The following PPP1R13L variants were observed in gnomAD, a reference collection of about 807,000 sequenced individuals.
PPP1R13L encodes the protein relA-associated inhibitor.
In PPP1R13L, 50 loss-of-function variants were observed where a neutral mutation model predicts 80.9. That is an observed-to-expected ratio of 0.62 (90% CI 0.49 to 0.78). The LOEUF is 0.78. Ranked by LOEUF, PPP1R13L falls within the 30% of genes least tolerant of loss-of-function variation. The pLI, the probability that PPP1R13L is intolerant of heterozygous loss-of-function variation, is 0.00. For synonymous variants in PPP1R13L, 602 were observed against 534.3 expected (o/e 1.13, Z -1.75); for missense variants, 1,200 against 1,205.9 (o/e 1.00, Z 0.07).
In PPP1R13L at chr19:45,396,246, G is replaced by T. The variant is rs760786711; in HGVS notation, c.825C>A (p.Phe275Leu). The part of the protein sequence containing the change: ...QTASYERLDV[F>L]ARPASPSLQL... ...GCAGGCTCGGCGAGGCAGGCCTTGC[G>T]AAGACGTCCAGGCCTGCGGGGCGGG... The change falls in exon 6 of 13, where the codon TTC (phenylalanine) becomes TTA (leucine). Residue 275 changes from phenylalanine (F) to leucine (L), a missense_variant. Phe to Leu is a conservative substitution (Grantham distance 22). Coordinates refer to ENST00000360957, the MANE Select transcript of PPP1R13L (RefSeq NM_006663.4). The surrounding 1 kb of genome is among the most constrained non-coding windows in gnomAD (Gnocchi z 5.3). 3 of 1,610,682 alleles carry T rather than the reference G, an allele frequency of 1.9e-6. No individual in the cohort carries two copies. The highest frequency in any genetic ancestry group is 2.5e-6 in the Non-Finnish European group (3 of 1,179,498).
chr19:45,391,816 C>T, intron 8 of PPP1R13L, 64 bp downstream of exon 8: 1 of 1,273,778 alleles, frequency 7.9e-7, no homozygotes, highest in Non-Finnish European at 1.0e-6. Flanking sequence ...ATTTGGGGGG[C>T]TCTTTGCTAC....
chr19:45,401,181 G>A (rs1266149272), intron 1 of PPP1R13L, among the ~76,000 whole-genome samples: 1 of 151,256 alleles, frequency 6.6e-6, no homozygotes, highest in African/African-American at 2.4e-5. Context: ...GTGAAACCCT[G>A]TCTCTACTAA....
chr19:45,392,626 A>C, intron 7 of PPP1R13L: 1 of 505,986 alleles, frequency 2.0e-6, no homozygotes, highest in Non-Finnish European at 3.6e-6. Context: ...ACATTACCGA[A>C]AGGGAATCTG....
At position 45,391,902 on chromosome 19, in the gene PPP1R13L, G is replaced by C. The variant is rs781352368; in HGVS notation, c.1793C>G (p.Pro598Arg). Residue 598 changes from proline (P) to arginine (R), a missense_variant, in exon 8 of 13, where the codon CCA (proline) becomes CGA (arginine). Physicochemically the swap from Pro to Arg is moderately radical, Grantham distance 103. Coordinates refer to ENST00000360957, the MANE Select transcript of PPP1R13L (RefSeq NM_006663.4). ...IPPPAPSQSSPPEQPQSMEMR... is the reference protein window; with the variant it reads ...IPPPAPSQSSRPEQPQSMEMR... Reference sequence around the variant, plus strand: ...TACCATGCTCTGCGGCTGCTCTGGTGGGCTGCTCTGGGACGGGGCCGGGGG... The same window carrying C: ...TACCATGCTCTGCGGCTGCTCTGGTCGGCTGCTCTGGGACGGGGCCGGGGG... 6.7e-7 allele frequency: 1 copy of C among 1,489,738 alleles called. No individual in the cohort carries two copies. The highest frequency in any genetic ancestry group is 8.9e-7 in the Non-Finnish European group (1 of 1,123,678). The allele number at this position is 1,489,738 out of a possible 1,614,324, so 92.3% of individuals were successfully genotyped here.
chr19:45,394,531 T>G (rs564233718), intron 7 of PPP1R13L: 18 of 152,258 alleles, frequency 1.2e-4, no homozygotes, highest in African/African-American at 3.9e-4. Context: ...TCACCTGTGC[T>G]GGAGTGCAGT....
rs138281466 is a variant in PPP1R13L at position 45,385,414 on chromosome 19, G to A, written c.2248+148C>T. ...GCATAGTCCCCCCACCCCCGCAAGC[G>A]GTCCATCCCTCATCCTCCTCCTCGG... On this transcript the variant is annotated intron_variant, in intron 11 of 12. Transcript: ENST00000360957. The A allele has an allele frequency of 1.3e-4, 125 of 956,212 alleles. No homozygotes were observed. The African/African-American group carries it at 1.8e-3, about 14-fold the overall frequency. 59.2% of individuals were successfully genotyped at this position (956,212 alleles called of 1,614,324 possible). A position where few individuals can be genotyped will look rare whatever the true frequency, so the allele number is the denominator to read the frequency against.
At chr19:45,406,244 G>A, upstream of PPP1R13L, 1 of 975,924 alleles carries the variant, frequency 1.0e-6, no homozygotes, top group Non-Finnish European at 1.2e-6. The surrounding 1 kb of genome is among the most constrained non-coding windows in gnomAD (Gnocchi z 4.2). Flanking sequence ...GGCCTCCCCA[G>A]AAGACATTTA....
In PPP1R13L at chr19:45,396,474, GT is replaced by G; in HGVS notation, c.713-39del. On this transcript the variant is annotated intron_variant, in intron 4 of 12. Coordinates refer to ENST00000360957, the MANE Select transcript of PPP1R13L (RefSeq NM_006663.4). The surrounding 1 kb of genome is among the most constrained non-coding windows in gnomAD (Gnocchi z 5.3). ...TTCCAGGGAGGATGAGACGGGAGGGGTGGCGAGCCCCGGATCCTGCCCGCTT... is the reference window on the plus strand; with the variant it reads ...TTCCAGGGAGGATGAGACGGGAGGGGGGCGAGCCCCGGATCCTGCCCGCTT... 5 of 1,612,716 alleles carry G rather than the reference GT, an allele frequency of 3.1e-6. No homozygotes were observed. Among genetic ancestry groups the G allele is most frequent in the Non-Finnish European group, 4.2e-6 (5 of 1,179,720 alleles).
At chr19:45,403,939 C>T (rs1973278159) in intron 1 of PPP1R13L, among the ~76,000 whole-genome samples, 1 of 152,136 alleles carries the variant, frequency 6.6e-6, no homozygotes, top group South Asian at 2.1e-4. Context: ...GAATTAGCCT[C>T]TGTCCCTCCC....
Position 45,398,075 on chromosome 19 carries a change from G to C in PPP1R13L, c.128C>G (p.Thr43Ser). 6.2e-7 allele frequency: 1 copy of C among 1,614,160 alleles called. No homozygotes were observed. Among genetic ancestry groups the C allele is most frequent in the Non-Finnish European group, 8.5e-7 (1 of 1,180,034 alleles). ...DTAAAKVDELTKQLESLWSDS... is the reference protein window; with the variant it reads ...DTAAAKVDELSKQLESLWSDS... The stretch of plus-strand genomic sequence containing the variant: ...TGACCACAGCGACTCCAGCTGCTTG[G>C]TCAGTTCATCCACCTTGGCCGCCGC... Residue 43 changes from threonine to serine, a missense_variant, in exon 3 of 13, where the codon ACC (threonine) becomes AGC (serine). Physicochemically the swap from Thr to Ser is moderately conservative, Grantham distance 58 (BLOSUM62 1). Transcript: ENST00000360957.
In PPP1R13L at chr19:45,396,174, G is replaced by T; in HGVS notation, c.897C>A (p.Thr299=). 1 of 1,607,168 alleles carries T rather than the reference G, an allele frequency of 6.2e-7. No individual in the cohort carries two copies. Among genetic ancestry groups the T allele is most frequent in the Non-Finnish European group, 8.5e-7 (1 of 1,178,000 alleles). Reference sequence around the variant, plus strand: ...CCAGGCGTCGCCTCCTCACCTTGCCGGTGCCCCCCAGTCCATCCAGGCTGC... The same window carrying T: ...CCAGGCGTCGCCTCCTCACCTTGCCTGTGCCCCCCAGTCCATCCAGGCTGC... ...RESSLDGLGG[T]GKDNLTSATL... is the part of the protein sequence containing the mutation. The change falls in exon 6 of 13, where the codon ACC becomes ACA. Residue 299 remains threonine (T), a synonymous_variant. Coordinates refer to ENST00000360957, the MANE Select transcript of PPP1R13L (RefSeq NM_006663.4). This position sits in a 1 kb window ranked among gnomAD's most constrained non-coding sequence, Gnocchi z 5.3.
Position 45,391,889 on chromosome 19 carries a change from C to A in PPP1R13L, c.1806G>T (p.Pro602=). The change falls in exon 8 of 13, where the codon CCG becomes CCT. Residue 602 remains proline, a synonymous_variant. Coordinates refer to ENST00000360957, the MANE Select transcript of PPP1R13L (RefSeq NM_006663.4). ...APSQSSPPEQ[P]QSMEMRSVLR... The stretch of plus-strand genomic sequence containing the variant: ...CTCCTGTATTACTTACCATGCTCTG[C>A]GGCTGCTCTGGTGGGCTGCTCTGGG... The A allele has an allele frequency of 6.8e-7, 1 of 1,480,040 alleles. No individual in the cohort carries two copies. The highest frequency in any genetic ancestry group is 8.9e-7 in the Non-Finnish European group (1 of 1,119,738). The allele number at this position is 1,480,040 out of a possible 1,614,324, so 91.7% of individuals were successfully genotyped here.
rs765740169 is a variant in PPP1R13L at position 45,391,951 on chromosome 19, G to A, written c.1744C>T (p.Pro582Ser). 64 of 1,508,952 alleles carry A rather than the reference G, an allele frequency of 4.2e-5. No individual in the cohort carries two copies. In the Middle Eastern group the frequency reaches 2.2e-3, roughly 51 times the overall value. 93.5% of individuals were successfully genotyped at this position (1,508,952 alleles called of 1,614,324 possible). A position where few individuals can be genotyped will look rare whatever the true frequency, so the allele number is the denominator to read the frequency against. Residue 582 changes from proline (P) to serine (S), a missense_variant, in exon 8 of 13, where the codon CCT becomes TCT. This residue lies in a region of PPP1R13L where 214 missense variants were observed against 199.6 expected (regional missense o/e 1.07). Transcript: ENST00000360957. ...GGTGGAATGGGAGCTGGTGGGGCAG[G>A]AGCAGGGGGCCCTGCCCTGGCCTCA... ...GSEARAGPPAPAPPAPIPPPA... is the reference protein window; with the variant it reads ...GSEARAGPPASAPPAPIPPPA...
chr19:45,405,583 C>G (rs1466486735), upstream of PPP1R13L, among the ~76,000 whole-genome samples: 1 of 152,230 alleles, frequency 6.6e-6, no homozygotes, highest in Non-Finnish European at 1.5e-5. Context: ...GGGCTGCACC[C>G]CGGTGTCTCT....
intron 1 of PPP1R13L, among the ~76,000 whole-genome samples, chr19:45,401,100 T>C (rs1459797652): frequency 6.6e-6 from 1 of 150,698 alleles, no homozygotes; most frequent in African/African-American, 2.4e-5. Flanking sequence ...TTAAAAACAT[T>C]TTGTACACTT....
Position 45,396,566 on chromosome 19 carries a change from C to A in PPP1R13L, c.691G>T (p.Ala231Ser), listed in dbSNP as rs201563403. The change falls in exon 4 of 13, where the codon GCC becomes TCC. Residue 231 changes from alanine to serine, a missense_variant. Coordinates refer to ENST00000360957, the MANE Select transcript of PPP1R13L (RefSeq NM_006663.4). This position sits in a 1 kb window ranked among gnomAD's most constrained non-coding sequence, Gnocchi z 5.3. ...TCACCTTGCGCGCGCAGAGGCGGGG[C>A]GAATGCGCTGCCGCCGGAGCCTAGC... ...SLLGSGGSAF[A>S]PPLRAQDDLT... is the part of the protein sequence containing the mutation. 1 of 1,516,556 alleles carries A rather than the reference C, an allele frequency of 6.6e-7. No homozygotes were observed. Among genetic ancestry groups the A allele is most frequent in the African/African-American group, 1.4e-5 (1 of 72,258 alleles). The allele number at this position is 1,516,556 out of a possible 1,614,324, so 93.9% of individuals were successfully genotyped here.
intron 8 of PPP1R13L, among the ~76,000 whole-genome samples, chr19:45,386,558 A>T (rs1351387378): frequency 6.6e-6 from 1 of 152,070 alleles, no homozygotes; most frequent in Non-Finnish European, 1.5e-5. Flanking sequence ...ACAAAATGTT[A>T]CCAGGAGTGT....
At position 45,392,243 on chromosome 19, in the gene PPP1R13L, T is replaced by C. The variant is rs1310293276; in HGVS notation, c.1452A>G (p.Val484=). Residue 484 remains valine (V), a synonymous_variant, in exon 8 of 13, where the codon GTA becomes GTG. Coordinates refer to ENST00000360957, the MANE Select transcript of PPP1R13L (RefSeq NM_006663.4). The stretch of plus-strand genomic sequence containing the variant: ...GCCTCGTGGGGCTGAGAGGCCTTGC[T>C]ACAGGGCCTTCATCCACATCGCCAG... The part of the protein sequence containing the change: ...LEAGDVDEGP[V]ARPLSPTRLQ... The C allele has an allele frequency of 6.2e-7, 1 of 1,613,238 alleles. No homozygotes were observed. Among genetic ancestry groups the C allele is most frequent in the Admixed American group, 1.7e-5 (1 of 60,006 alleles).
rs546843998 is a variant in PPP1R13L at position 45,379,854 on chromosome 19, C to T, written c.*336G>A. ...GTGGTGTGGTGGCCCATCCCAGGCC[C>T]GGCTGGGCAGGTGGCTGGCTTGCTG... On this transcript the variant is annotated 3_prime_UTR_variant, in exon 13 of 13. Coordinates refer to ENST00000360957, the MANE Select transcript of PPP1R13L (RefSeq NM_006663.4). The T allele has an allele frequency of 1.7e-4, 41 of 241,034 alleles. No individual in the cohort carries two copies. The highest frequency in any genetic ancestry group is 7.3e-4 in the South Asian group (11 of 15,064). 14.9% of individuals were successfully genotyped at this position (241,034 alleles called of 1,614,324 possible). A position where few individuals can be genotyped will look rare whatever the true frequency, so the allele number is the denominator to read the frequency against.
Sources: gnomAD v4.1 joint callset for allele counts (sites outside exome capture counted in the v4.1 genomes callset) on GRCh38, gnomAD v4.1.1 for gene constraint, gnomAD v4.1.1 regional missense constraint, Gnocchi (gnomAD v3.1) non-coding constraint, MANE v1.5 for transcripts, NCBI Gene and HGNC (gene_info 2026-07-23, HGNC 2026-07-21) for gene names.